The following UPF1 variants were observed in gnomAD, a reference collection of about 807,000 sequenced individuals.
UPF1 encodes UPF1 RNA helicase and ATPase.
A neutral mutation model predicts 129.2 loss-of-function variants in UPF1; 9 were observed. The observed-to-expected ratio is 0.07, with a 90% confidence interval of 0.04 to 0.12. The LOEUF (loss-of-function observed/expected upper bound fraction) is 0.12, where lower values mean the gene tolerates loss of function less well. Ranked by LOEUF, UPF1 falls within the 10% of genes least tolerant of loss-of-function variation. UPF1 has a pLI of 1.00. For synonymous variants in UPF1, 649 were observed against 644.9 expected, an observed-to-expected ratio of 1.01 and a Z score of -0.10; for missense variants, 788 against 1,525.3, an observed-to-expected ratio of 0.52 and a Z score of 8.05.
At position 18,866,950 on chromosome 19, in the gene UPF1, C is replaced by CG. The variant is rs2055854933; in HGVS notation, c.*437dup. 6.6e-6 allele frequency: 1 copy of CG among 152,614 alleles called. No individual in the cohort carries two copies. Among genetic ancestry groups the CG allele is most frequent in the Non-Finnish European group, 1.5e-5 (1 of 68,052 alleles). The allele number at this position is 152,614 out of a possible 1,614,324, so 9.5% of individuals were successfully genotyped here. A position where few individuals can be genotyped will look rare whatever the true frequency, so the allele number is the denominator to read the frequency against. ...GGCTCCTTGCAAAGACAGCAGCGTG[C>CG]GGGGCAGAGCCCCGGGAGGGCGCGT... On this transcript the variant is annotated 3_prime_UTR_variant, in exon 24 of 24. Coordinates refer to ENST00000262803, the MANE Select transcript of UPF1 (RefSeq NM_002911.4).
In UPF1 at chr19:18,850,637, C is replaced by A. The variant is rs537137517; in HGVS notation, c.630-51C>A. ...GCATGGGAGGGGGCCCTCCCTGCTCCGGGGCTTCAGGGACGGGAGCTGGTC... is the reference window on the plus strand; with the variant it reads ...GCATGGGAGGGGGCCCTCCCTGCTCAGGGGCTTCAGGGACGGGAGCTGGTC... On this transcript the variant is annotated intron_variant, in intron 4 of 23. Transcript: ENST00000262803. This position sits in a 1 kb window ranked among gnomAD's most constrained non-coding sequence, Gnocchi z 7.1. The A allele has an allele frequency of 6.7e-7, 1 of 1,497,768 alleles. No homozygotes were observed. Among genetic ancestry groups the A allele is most frequent in the Admixed American group, 2.3e-5 (1 of 43,318 alleles). The allele number at this position is 1,497,768 out of a possible 1,614,324, so 92.8% of individuals were successfully genotyped here.
Position 18,860,925 on chromosome 19 carries a change from C to G in UPF1, c.2400C>G (p.Arg800=), listed in dbSNP as rs200946604. The G allele has an allele frequency of 6.3e-7, 1 of 1,596,878 alleles. No individual in the cohort carries two copies. The highest frequency in any genetic ancestry group is 1.3e-5 in the African/African-American group (1 of 74,482). Residue 800 remains arginine (R), a synonymous_variant, in exon 17 of 24, where the codon CGC becomes CGG. Coordinates refer to ENST00000262803, the MANE Select transcript of UPF1 (RefSeq NM_002911.4). ...TCATCACGCCCTACGAGGGCCAGCG[C>G]TCCTACCTGGTGCAGTACATGCAGT... is the stretch of plus-strand genomic sequence containing the variant. The part of the protein sequence containing the change: ...IGIITPYEGQ[R]SYLVQYMQFS...
chr19:18,850,900 T>TC lies in UPF1; in HGVS notation c.810+33dup. The TC allele has an allele frequency of 1.3e-6, 2 of 1,506,480 alleles. No individual in the cohort carries two copies. The highest frequency in any genetic ancestry group is 1.8e-6 in the Non-Finnish European group (2 of 1,122,786). 93.3% of individuals were successfully genotyped at this position (1,506,480 alleles called of 1,614,324 possible). A position where few individuals can be genotyped will look rare whatever the true frequency, so the allele number is the denominator to read the frequency against. On this transcript the variant is annotated intron_variant, in intron 5 of 23. Coordinates refer to ENST00000262803, the MANE Select transcript of UPF1 (RefSeq NM_002911.4). This position sits in a 1 kb window ranked among gnomAD's most constrained non-coding sequence, Gnocchi z 7.1. Reference sequence around the variant, plus strand: ...CTGCCCAGCGGGCCGACCCGTGCCTTCGTGTGGTTTCTGGTTGCGGGGAGG... The same window carrying TC: ...CTGCCCAGCGGGCCGACCCGTGCCTTCCGTGTGGTTTCTGGTTGCGGGGAGG...
In UPF1 at chr19:18,837,151, G is replaced by T. The variant is rs141198198; in HGVS notation, c.231+4711G>T. Among the ~76,000 whole-genome samples the T allele has an allele frequency of 1.2e-3, 178 of 151,502 alleles. 3 individuals are homozygous for T. In the East Asian group the frequency reaches 0.031, roughly 27 times the overall value. ...GTCACCCAGGCTGTAGTGCAGTGGC[G>T]TTATCATGGGTCACTGCAGCCTCGA... On this transcript the variant is annotated intron_variant, in intron 1 of 23. Coordinates refer to ENST00000262803, the MANE Select transcript of UPF1 (RefSeq NM_002911.4).
intron 13 of UPF1, 119 bp downstream of exon 13, chr19:18,856,419 T>C: frequency 1.0e-6 from 1 of 971,868 alleles, no homozygotes; most frequent in Non-Finnish European, 1.5e-6. Flanking sequence ...TTAGATGCTC[T>C]CTACTTGGCC....
At chr19:18,841,651 C>CTCATTGTCACA (rs1416912590) in intron 1 of UPF1, among the ~76,000 whole-genome samples, 2 of 152,166 alleles carry the variant, frequency 1.3e-5, no homozygotes, top group African/African-American at 4.8e-5. Context: ...GACTGAACCC[C>CTCATTGTCACA]TCATTGTCAC....
intron 15 of UPF1, 107 bp from the exon 16 acceptor site, chr19:18,860,214 C>T: frequency 8.3e-7 from 1 of 1,198,566 alleles, no homozygotes. Flanking sequence ...AGTCTCCTGC[C>T]CCAGGACCTG....
At chr19:18,845,639 A>T (rs768794043) in intron 1 of UPF1, among the ~76,000 whole-genome samples, 9 of 152,144 alleles carry the variant, frequency 5.9e-5, no homozygotes, top group African/African-American at 1.2e-4. Context: ...CTCAGGGCAC[A>T]CTGCTGTCAG....
intron 22 of UPF1, 36 bp from the exon 23 acceptor site, chr19:18,866,008 C>T: frequency 1.2e-6 from 2 of 1,612,782 alleles, no homozygotes; most frequent in Non-Finnish European, 1.7e-6. Flanking sequence ...GCACCCTTGG[C>T]CTGTGGCTTG....
At chr19:18,840,028 G>T (rs1329426710) in intron 1 of UPF1, among the ~76,000 whole-genome samples, 1 of 152,192 alleles carries the variant, frequency 6.6e-6, no homozygotes, top group Non-Finnish European at 1.5e-5. Flanking sequence ...CAGGGGCTGG[G>T]CTGTGTCCTG....
At position 18,865,643 on chromosome 19, in the gene UPF1, C is replaced by T. The variant is rs1415044733; in HGVS notation, c.3102C>T (p.Asn1034=). 1.9e-6 allele frequency: 3 copies of T among 1,613,844 alleles called. No individual in the cohort carries two copies. The highest frequency in any genetic ancestry group is 2.5e-6 in the Non-Finnish European group (3 of 1,180,046). ...GGCTTCCTGGACCCAGCCAGACTAA[C>T]CTCCCCAACAGCCAAGCCAGCCAGG... is the stretch of plus-strand genomic sequence containing the variant. ...RFGLPGPSQT[N]LPNSQASQDV... is the part of the protein sequence containing the mutation. The change falls in exon 22 of 24, where the codon AAC becomes AAT. Residue 1034 remains asparagine, a synonymous_variant. Coordinates refer to ENST00000262803, the MANE Select transcript of UPF1 (RefSeq NM_002911.4). This position sits in a 1 kb window ranked among gnomAD's most constrained non-coding sequence, Gnocchi z 6.1.
At position 18,850,670 on chromosome 19, in the gene UPF1, C is replaced by G; in HGVS notation, c.630-18C>G. 6.5e-7 allele frequency: 1 copy of G among 1,547,996 alleles called. No homozygotes were observed. On this transcript the variant is annotated intron_variant, in intron 4 of 23. Coordinates refer to ENST00000262803, the MANE Select transcript of UPF1 (RefSeq NM_002911.4). This position sits in a 1 kb window ranked among gnomAD's most constrained non-coding sequence, Gnocchi z 7.1. ...CAGGGACGGGAGCTGGTCCTCACGG[C>G]CCCCTCCCGCTCTGCAGGCAGCCCT...
rs1288145423 is a variant in UPF1 at position 18,856,277 on chromosome 19, A to T, written c.1801A>T (p.Thr601Ser). 2 of 1,601,330 alleles carry T rather than the reference A, an allele frequency of 1.2e-6. No individual in the cohort carries two copies. Among genetic ancestry groups the T allele is most frequent in the Non-Finnish European group, 8.5e-7 (1 of 1,169,742 alleles). The change falls in exon 13 of 24, where the codon ACC (threonine) becomes TCC (serine). Residue 601 changes from threonine to serine, a missense_variant. By Grantham distance (58) the Thr-to-Ser change is moderately conservative (BLOSUM62 1). Coordinates refer to ENST00000262803, the MANE Select transcript of UPF1 (RefSeq NM_002911.4). ...GAAGCGGTACCGGGCCTTGAAGCGC[A>T]CCGCAGAGAGAGAGCTGCTGATGGT... ...DEKRYRALKR[T>S]AERELLMNAD...
chr19:18,854,840 A>G (rs2055698234), intron 9 of UPF1, 39 bp from the exon 10 acceptor site: 2 of 1,611,138 alleles, frequency 1.2e-6, no homozygotes, highest in Non-Finnish European at 1.7e-6. Context: ...AGAGGCGGCC[A>G]CAGCTGTGCG....
At position 18,831,961 on chromosome 19, in the gene UPF1, T is replaced by C; in HGVS notation, c.-249T>C. On this transcript the variant is annotated 5_prime_UTR_variant, in exon 1 of 24. Coordinates refer to ENST00000262803, the MANE Select transcript of UPF1 (RefSeq NM_002911.4). The stretch of plus-strand genomic sequence containing the variant: ...ACGGCGACGGCGGCGGTGGCGGCAG[T>C]TCCTGCTCTAGGCTGCGAGCGGCTG... The C allele has an allele frequency of 4.1e-6, 1 of 246,392 alleles. No individual in the cohort carries two copies. Among genetic ancestry groups the C allele is most frequent in the Non-Finnish European group, 7.7e-6 (1 of 129,172 alleles). The allele number at this position is 246,392 out of a possible 1,614,324, so 15.3% of individuals were successfully genotyped here. A position where few individuals can be genotyped will look rare whatever the true frequency, so the allele number is the denominator to read the frequency against.
rs2055644478 is a variant in UPF1, at chr19:18,850,318, A to G, written c.629+76A>G. ...CTCCTCACAAGCCTTGGCCCAGCCC[A>G]GCCCAGCCGTGGCTCTAACTCCAGG... On this transcript the variant is annotated intron_variant, in intron 4 of 23. Transcript: ENST00000262803. This position sits in a 1 kb window ranked among gnomAD's most constrained non-coding sequence, Gnocchi z 7.1. The G allele has an allele frequency of 2.0e-6, 3 of 1,502,294 alleles. No individual in the cohort carries two copies. The highest frequency in any genetic ancestry group is 2.7e-6 in the Non-Finnish European group (3 of 1,127,154). 93.1% of individuals were successfully genotyped at this position (1,502,294 alleles called of 1,614,324 possible).
At position 18,845,966 on chromosome 19, in the gene UPF1, G is replaced by A; in HGVS notation, c.232-14G>A. 6.2e-7 allele frequency: 1 copy of A among 1,613,408 alleles called. No homozygotes were observed. Among genetic ancestry groups the A allele is most frequent in the East Asian group, 2.2e-5 (1 of 44,888 alleles). On this transcript the variant is annotated splice_polypyrimidine_tract_variant and intron_variant, in intron 1 of 23. Coordinates refer to ENST00000262803, the MANE Select transcript of UPF1 (RefSeq NM_002911.4). ...GCTGCAGCCTCACTCAGGTGACACTGCGTTCTGCTGCAGGTTGGGCCCGAA... is the reference window on the plus strand; with the variant it reads ...GCTGCAGCCTCACTCAGGTGACACTACGTTCTGCTGCAGGTTGGGCCCGAA...
At chr19:18,841,729 T>G (rs1272526655) in intron 1 of UPF1, among the ~76,000 whole-genome samples, 1 of 152,110 alleles carries the variant, frequency 6.6e-6, no homozygotes, top group Non-Finnish European at 1.5e-5. Flanking sequence ...GGAGAGTGGC[T>G]GATCCCCGGG....
In UPF1 at chr19:18,868,187, T is replaced by TAAG. The variant is rs2055881992; in HGVS notation, c.*1671_*1673dup. ...TGTAACTTTTGATTTTCGGTCAATT[T>TAAG]AAGTTCTTTTGTCACCAAATATTAA... On this transcript the variant is annotated 3_prime_UTR_variant, in exon 24 of 24. Transcript: ENST00000262803. The TAAG allele has an allele frequency of 4.2e-6, 1 of 238,408 alleles. No individual in the cohort carries two copies. The highest frequency in any genetic ancestry group is 2.2e-5 in the African/African-American group (1 of 44,714). The allele number at this position is 238,408 out of a possible 1,614,324, so 14.8% of individuals were successfully genotyped here. A position where few individuals can be genotyped will look rare whatever the true frequency, so the allele number is the denominator to read the frequency against.
Sources: gnomAD v4.1 joint callset for allele counts (sites outside exome capture counted in the v4.1 genomes callset) on GRCh38, gnomAD v4.1.1 for gene constraint, Gnocchi (gnomAD v3.1) non-coding constraint, MANE v1.5 for transcripts, NCBI Gene and HGNC (gene_info 2026-07-23, HGNC 2026-07-21) for gene names.